CDH23: variants seen among roughly 807,000 people sequenced by gnomAD.
CDH23 encodes cadherin related 23, also known as cadherin-23.
Under a neutral mutation model 317.1 loss-of-function variants are expected in CDH23, and 189 were observed. That is an observed-to-expected ratio of 0.60 (90% CI 0.53 to 0.67). The LOEUF (loss-of-function observed/expected upper bound fraction) is 0.67, where lower values mean the gene tolerates loss of function less well. CDH23 is among the 30% of genes least tolerant of loss of function. The pLI is 0.00. For missense variants in CDH23, 4,401 were observed against 4,592.4 expected, an observed-to-expected ratio of 0.96 and a Z score of 1.20; for synonymous variants, 1,839 against 1,876.8, an observed-to-expected ratio of 0.98 and a Z score of 0.52.
chr10:71,690,591 C>A lies in CDH23; in HGVS notation c.2176+7C>A, dbSNP rs915487311. ...CGGATCAATGCCCGCTCAGGTGAGC[C>A]CCCCCACCCCAAGTACCCTGGTCCT... On this transcript the variant is annotated splice_region_variant and intron_variant, in intron 20 of 69. Transcript: ENST00000224721. The A allele has an allele frequency of 5.7e-6, 9 of 1,569,386 alleles. No homozygotes were observed. Among genetic ancestry groups the A allele is most frequent in the Non-Finnish European group, 7.8e-6 (9 of 1,152,552 alleles).
chr10:71,532,711 G>GTTTTT (rs531593760), intron 6 of CDH23, among the ~76,000 whole-genome samples: 91 of 128,068 alleles, frequency 7.1e-4, no homozygotes, highest in Non-Finnish European at 1.2e-3. Flanking sequence ...TTTTGTTTTT[G>GTTTTT]TTTTTTTTTT....
chr10:71,707,130 G>T, intron 26 of CDH23, 81 bp downstream of exon 26: 1 of 1,553,690 alleles, frequency 6.4e-7, no homozygotes, highest in African/African-American at 1.4e-5. Context: ...GCCAGACTAG[G>T]TGGGGGCAGG....
rs1258496554 is a variant in CDH23 at position 71,702,685 on chromosome 10, C to T, written c.2724C>T (p.Ser908=). Residue 908 remains serine, a synonymous_variant, in exon 24 of 70, where the codon TCC becomes TCT. Coordinates refer to ENST00000224721, the MANE Select transcript of CDH23 (RefSeq NM_022124.6). Reference sequence around the variant, plus strand: ...TTGAAGGCATCCCGGCGGGGGTCTCCATCTACCAAGTGAGTCTCTATCATC... The same window carrying T: ...TTGAAGGCATCCCGGCGGGGGTCTCTATCTACCAAGTGAGTCTCTATCATC... ...EVLEGIPAGV[S]IYQVVAIDLD... 1 of 1,613,634 alleles carries T rather than the reference C, an allele frequency of 6.2e-7. No homozygotes were observed. Among genetic ancestry groups the T allele is most frequent in the Non-Finnish European group, 8.5e-7 (1 of 1,179,886 alleles).
chr10:71,759,940 CACACACATATATAT>C, intron 38 of CDH23, among the ~76,000 whole-genome samples: 2 of 132,800 alleles, frequency 1.5e-5, no homozygotes, highest in African/African-American at 5.3e-5. Flanking sequence ...CATATATACA[CACACACATATATAT>C]ACACACACAT....
At position 71,800,763 on chromosome 10, in the gene CDH23, G is replaced by T. The variant is rs751159730; in HGVS notation, c.7482+8G>T. 1.2e-6 allele frequency: 2 copies of T among 1,613,300 alleles called. No homozygotes were observed. The highest frequency in any genetic ancestry group is 1.7e-5 in the Admixed American group (1 of 59,934). On this transcript the variant is annotated splice_region_variant and intron_variant, in intron 53 of 69. Coordinates refer to ENST00000224721, the MANE Select transcript of CDH23 (RefSeq NM_022124.6). The stretch of plus-strand genomic sequence containing the variant: ...CGCGAAAATTCAGTGCAGGTGAGGG[G>T]TGCCAACCTGGGCCAGGGATGACAG...
At chr10:71,431,529 C>A (rs551884596) in intron 1 of CDH23, among the ~76,000 whole-genome samples, 3 of 152,236 alleles carry the variant, frequency 2.0e-5, no homozygotes, top group Non-Finnish European at 4.4e-5. Context: ...CCTTCTTGCA[C>A]GCACGAACCT....
intron 9 of CDH23, among the ~76,000 whole-genome samples, chr10:71,608,797 G>A (rs756206187): frequency 6.6e-6 from 1 of 152,238 alleles, no homozygotes. Flanking sequence ...GCCTCCAGGC[G>A]AGAGATGCGG....
At chr10:71,506,866 A>G (rs1484651686) in intron 3 of CDH23, among the ~76,000 whole-genome samples, 1 of 152,218 alleles carries the variant, frequency 6.6e-6, no homozygotes, top group Non-Finnish European at 1.5e-5. Flanking sequence ...AAGAAGCTGA[A>G]AAGGACCATT....
chr10:71,557,558 T>A (rs1269382562), intron 6 of CDH23, among the ~76,000 whole-genome samples: 1 of 152,256 alleles, frequency 6.6e-6, no homozygotes, highest in Admixed American at 6.5e-5. Context: ...TTTCTTGAAG[T>A]ACACTCTTCA....
At chr10:71,619,215 A>C (rs1407635436) in intron 11 of CDH23, among the ~76,000 whole-genome samples, 1 of 151,930 alleles carries the variant, frequency 6.6e-6, no homozygotes, top group Non-Finnish European at 1.5e-5. Flanking sequence ...TGCACCTGTA[A>C]TCCCAGCTAC....
At chr10:71,776,735 A>AACACAGCC (rs2132923991) in intron 38 of CDH23, among the ~76,000 whole-genome samples, 1 of 152,332 alleles carries the variant, frequency 6.6e-6, no homozygotes, top group Non-Finnish European at 1.5e-5. Flanking sequence ...AAGCAGGAGA[A>AACACAGCC]ACACAGCCAT....
intron 6 of CDH23, among the ~76,000 whole-genome samples, chr10:71,539,038 T>A (rs914444006): frequency 6.6e-6 from 1 of 152,208 alleles, no homozygotes; most frequent in African/African-American, 2.4e-5. Flanking sequence ...CCTGGGGAGT[T>A]TCCGGTGCCT....
intron 25 of CDH23, among the ~76,000 whole-genome samples, chr10:71,706,629 C>T (rs563803477): frequency 6.6e-6 from 1 of 152,334 alleles, no homozygotes; most frequent in South Asian, 2.1e-4. Context: ...GGTTTTCTCT[C>T]CTCCCTTTGA....
rs1317019979 is a variant in CDH23, at chr10:71,712,925, AGGGTGGG to A, written c.3369+113_3369+119del. 2.3e-5 allele frequency: 30 copies of A among 1,309,354 alleles called. No homozygotes were observed. The African/African-American group carries it at 2.8e-4, about 12-fold the overall frequency. 81.1% of individuals were successfully genotyped at this position (1,309,354 alleles called of 1,614,324 possible). On this transcript the variant is annotated intron_variant, in intron 28 of 69. Coordinates refer to ENST00000224721, the MANE Select transcript of CDH23 (RefSeq NM_022124.6). ...CAGAGGCGGAAGCAGGTGGGGGCCCAGGGTGGGTCCGCTGCTCTGGAAGGTGCTGTGG... is the reference window on the plus strand; with the variant it reads ...CAGAGGCGGAAGCAGGTGGGGGCCCATCCGCTGCTCTGGAAGGTGCTGTGG...
At chr10:71,534,035 C>G (rs1855565278) in intron 6 of CDH23, among the ~76,000 whole-genome samples, 1 of 152,098 alleles carries the variant, frequency 6.6e-6, no homozygotes, top group African/African-American at 2.4e-5. Context: ...GATAAACAGC[C>G]CAGTGTTTTC....
At chr10:71,420,410 ATGATGGTGATGG>A (rs1848704432) in intron 1 of CDH23, among the ~76,000 whole-genome samples, 1 of 13,484 alleles carries the variant, frequency 7.4e-5, no homozygotes, top group Non-Finnish European at 1.7e-4. Context: ...GATGGTGATG[ATGATGGTGATGG>A]TGATGATGAT....
chr10:71,436,770 T>C lies in CDH23; in HGVS notation c.-5-3057T>C, dbSNP rs558885588. On this transcript the variant is annotated intron_variant, in intron 1 of 69. Coordinates refer to ENST00000224721, the MANE Select transcript of CDH23 (RefSeq NM_022124.6). ...GAATGGTGTGCTCTCCCCAGCTATTTGTGGATGATGTTCTTAGCAGATGTT... is the reference window on the plus strand; with the variant it reads ...GAATGGTGTGCTCTCCCCAGCTATTCGTGGATGATGTTCTTAGCAGATGTT... Among the ~76,000 whole-genome samples the C allele has an allele frequency of 3.9e-5, 6 of 152,308 alleles. No homozygotes were observed. The South Asian group carries it at 1.2e-3, about 32-fold the overall frequency.
intron 9 of CDH23, among the ~76,000 whole-genome samples, chr10:71,586,277 T>C (rs1196441256): frequency 6.6e-6 from 1 of 152,240 alleles, no homozygotes; most frequent in Non-Finnish European, 1.5e-5. Flanking sequence ...TTTTCTTTTT[T>C]GTTTCTTTTC....
chr10:71,619,621 G>C (rs1048003867), intron 11 of CDH23, among the ~76,000 whole-genome samples: 1 of 152,246 alleles, frequency 6.6e-6, no homozygotes, highest in African/African-American at 2.4e-5. Flanking sequence ...GGGCTGAGAG[G>C]ATCAGGAGAG....
Sources: allele counts gnomAD v4.1 joint callset (sites outside exome capture counted in the v4.1 genomes callset), GRCh38; gene constraint gnomAD v4.1.1; transcripts MANE v1.5; gene names NCBI Gene and HGNC (gene_info 2026-07-23, HGNC 2026-07-21).